Variants in ZC3H12B observed in about 807,000 individuals in gnomAD.
ZC3H12B encodes the protein probable ribonuclease ZC3H12B.
Under a neutral mutation model 43.9 loss-of-function variants are expected in ZC3H12B, and 7 were observed. The observed-to-expected ratio is 0.16, with a 90% CI of 0.09 to 0.30. The LOEUF (loss-of-function observed/expected upper bound fraction) is 0.30. ZC3H12B is among the 10% of genes least tolerant of loss of function. The probability of loss-of-function intolerance (pLI) is 1.00; values close to 1 mark genes in which losing one functional copy is unlikely to be tolerated. For synonymous variants in ZC3H12B, 222 were observed against 241.7 expected (o/e 0.92, Z 0.76); for missense variants, 475 against 670.2 (o/e 0.71, Z 3.22).
chrX:65,321,960 G>T, the ZC3H12B span, among the ~76,000 whole-genome samples: 1 of 111,165 alleles, frequency 9.0e-6, no homozygotes, highest in African/African-American at 3.3e-5. Context: ...ATACCTGGGT[G>T]ATTAGATAAT....
the ZC3H12B span, among the ~76,000 whole-genome samples, chrX:65,308,675 C>T: frequency 7.1e-5 from 8 of 112,033 alleles, no homozygotes; most frequent in Middle Eastern, 4.6e-3. Flanking sequence ...CCCAAATCAA[C>T]AGAATATACA....
At chrX:65,357,402 T>A in the ZC3H12B span, 1 of 187,863 alleles carries the variant, frequency 5.3e-6, no homozygotes, top group South Asian at 8.6e-5. Context: ...AGTGTGGCGC[T>A]CCCAGAGGAG....
the ZC3H12B span, among the ~76,000 whole-genome samples, chrX:65,323,666 G>T: frequency 8.9e-6 from 1 of 112,083 alleles, no homozygotes; most frequent in East Asian, 2.8e-4. Flanking sequence ...GTGTGCATGT[G>T]TCTTTATAGT....
the ZC3H12B span, among the ~76,000 whole-genome samples, chrX:65,206,423 A>T: frequency 8.9e-6 from 1 of 111,977 alleles, no homozygotes. Context: ...AGGACACCCT[A>T]TTCAACAAAT....
chrX:65,193,894 C>T, the ZC3H12B span, among the ~76,000 whole-genome samples: 2 of 111,288 alleles, frequency 1.8e-5, no homozygotes, highest in Non-Finnish European at 3.8e-5. Flanking sequence ...CTCATGGCTC[C>T]ACAGGGTGTA....
chrX:65,212,263 T>TAA, the ZC3H12B span, among the ~76,000 whole-genome samples: 61 of 46,379 alleles, frequency 1.3e-3, no homozygotes, highest in African/African-American at 7.6e-3. Context: ...ATATAATATA[T>TAA]TATATAATAT....
the ZC3H12B span, among the ~76,000 whole-genome samples, chrX:65,242,047 G>C: frequency 9.0e-6 from 1 of 111,403 alleles, no homozygotes; most frequent in Admixed American, 9.5e-5. Context: ...TGTGGAAGAA[G>C]TGTGGTTTCC....
chrX:65,197,120 C>CT, the ZC3H12B span, among the ~76,000 whole-genome samples: 1 of 112,171 alleles, frequency 8.9e-6, no homozygotes, highest in African/African-American at 3.2e-5. Context: ...AAAGAGCCTA[C>CT]TGGGGAAAGG....
chrX:65,296,269 T>A, the ZC3H12B span, among the ~76,000 whole-genome samples: 2 of 111,414 alleles, frequency 1.8e-5, no homozygotes, highest in Non-Finnish European at 3.8e-5. Flanking sequence ...GAAAACCAGA[T>A]ATCTTATGTT....
At chrX:65,204,638 C>T in the ZC3H12B span, among the ~76,000 whole-genome samples, 40 of 111,596 alleles carry the variant, frequency 3.6e-4, no homozygotes, top group Admixed American at 2.3e-3. Context: ...GGGTAGACAA[C>T]ATGTAATTAA....
the ZC3H12B span, among the ~76,000 whole-genome samples, chrX:65,313,574 A>G: frequency 2.7e-5 from 3 of 112,423 alleles, no homozygotes; most frequent in African/African-American, 9.7e-5. Context: ...TACAAAGGGC[A>G]GGCCCAAACA....
At chrX:65,125,625 T>C in the ZC3H12B span, among the ~76,000 whole-genome samples, 1 of 111,530 alleles carries the variant, frequency 9.0e-6, no homozygotes, top group African/African-American at 3.3e-5. Context: ...TTCTTAGGTA[T>C]AATAGTAATT....
At chrX:65,430,683 T>C (rs1195310040) in intron 3 of ZC3H12B, among the ~76,000 whole-genome samples, 2 of 109,977 alleles carry the variant, frequency 1.8e-5, no homozygotes, top group African/African-American at 6.6e-5. Context: ...TCATCCTTTT[T>C]TATGGCTGCA....
the ZC3H12B span, among the ~76,000 whole-genome samples, chrX:65,111,006 A>G: frequency 9.0e-6 from 1 of 110,973 alleles, no homozygotes; most frequent in Non-Finnish European, 1.9e-5. Context: ...TATAAATGGT[A>G]TTGTATTTTT....
chrX:65,406,656 C>T (rs1486663271), intron 3 of ZC3H12B, among the ~76,000 whole-genome samples: 1 of 105,224 alleles, frequency 9.5e-6, no homozygotes, highest in Non-Finnish European at 1.9e-5. Context: ...CGCTGGTTAG[C>T]TCCTGAGTGT....
intron 3 of ZC3H12B, among the ~76,000 whole-genome samples, chrX:65,422,516 A>T (rs2067029661): frequency 9.2e-6 from 1 of 108,273 alleles, no homozygotes; most frequent in Non-Finnish European, 1.9e-5. Flanking sequence ...GAGATATTTG[A>T]TTAAACATTT....
At chrX:65,074,296 T>C in the ZC3H12B span, among the ~76,000 whole-genome samples, 12 of 111,140 alleles carry the variant, frequency 1.1e-4, no homozygotes, top group Non-Finnish European at 3.8e-5. Context: ...TTCAAATCTA[T>C]GATATCATTC....
chrX:65,305,976 A>G, the ZC3H12B span, among the ~76,000 whole-genome samples: 1 of 112,100 alleles, frequency 8.9e-6, no homozygotes, highest in Non-Finnish European at 1.9e-5. Flanking sequence ...AAAAGCATAC[A>G]TAGAAATCAC....
chrX:65,150,987 A>T, the ZC3H12B span, among the ~76,000 whole-genome samples: 7 of 112,018 alleles, frequency 6.2e-5, no homozygotes, highest in Admixed American at 6.7e-4. Context: ...GAGGACAGAG[A>T]ATTGAAAAAT....
Sources: allele counts gnomAD v4.1 joint callset (sites outside exome capture counted in the v4.1 genomes callset), GRCh38; gene constraint gnomAD v4.1.1; transcripts MANE v1.5; gene names NCBI Gene and HGNC (gene_info 2026-07-23, HGNC 2026-07-21).